MCRIP2: variants seen among roughly 807,000 people sequenced by gnomAD.
MCRIP2 encodes MAPK regulated corepressor interacting protein 2, also known as MAPK regulated co-repressor interacting protein 2.
MCRIP2 carries 21 observed loss-of-function variants against 23.2 expected under a neutral mutation model. That is an observed-to-expected ratio of 0.90 (90% CI 0.64 to 1.30). The LOEUF is 1.30. Ranked by LOEUF, MCRIP2 falls within the 50% of genes most tolerant of loss-of-function variation. MCRIP2 has a pLI of 0.00. For missense variants in MCRIP2, 234 were observed against 223.2 expected (o/e 1.05, Z -0.31); for synonymous variants, 121 against 100.2 (o/e 1.21, Z -1.24).
At chr16:642,075 CG>C in intron 1 of MCRIP2, 32 bp downstream of exon 1, 2 of 1,316,048 alleles carry the variant, frequency 1.5e-6, no homozygotes, top group Non-Finnish European at 1.9e-6. Flanking sequence ...GGAACGGGGA[CG>C]GGGCGGGGCG....
chr16:648,050 G>T, intron 4 of MCRIP2, 70 bp from the exon 5 acceptor site: 1 of 1,471,490 alleles, frequency 6.8e-7, no homozygotes. Context: ...GCGGCTTGTG[G>T]TTAGCTCCAG....
intron 2 of MCRIP2, among the ~76,000 whole-genome samples, chr16:644,576 G>T (rs936761640): frequency 5.9e-5 from 9 of 152,098 alleles, no homozygotes; most frequent in Non-Finnish European, 1.2e-4. Flanking sequence ...TTCCTGAGTA[G>T]CTGGGATGAC....
At position 642,384 on chromosome 16, in the gene MCRIP2, C is replaced by A. The variant is rs1436781251; in HGVS notation, c.182+135C>A. 7 of 888,374 alleles carry A rather than the reference C, an allele frequency of 7.9e-6. No homozygotes were observed. In the African/African-American group the frequency reaches 1.1e-4, roughly 14 times the overall value. 55.0% of individuals were successfully genotyped at this position (888,374 alleles called of 1,614,324 possible). A position where few individuals can be genotyped will look rare whatever the true frequency, so the allele number is the denominator to read the frequency against. ...CTGCAGGCGGGGCGGGCGCTCCGGG[C>A]GCGGGGGGTGCGCGGGTCCTGCCCA... On this transcript the variant is annotated intron_variant, in intron 2 of 4. Transcript: ENST00000307650.
rs577887829 is a variant in MCRIP2, at chr16:646,172, T to A, written c.183-1245T>A. On this transcript the variant is annotated intron_variant, in intron 2 of 4. Coordinates refer to ENST00000307650, the MANE Select transcript of MCRIP2 (RefSeq NM_138418.4). The surrounding 1 kb of genome is among the most constrained non-coding windows in gnomAD (Gnocchi z 6.5). Reference sequence around the variant, plus strand: ...GAGAGCCGCCACCTCCGCCCTTCGATTCACAGCCCCTGGCAATGTTCTTGT... The same window carrying A: ...GAGAGCCGCCACCTCCGCCCTTCGAATCACAGCCCCTGGCAATGTTCTTGT... 6.6e-6 allele frequency: 1 copy of A among 152,322 alleles called. No individual in the cohort carries two copies. The highest frequency in any genetic ancestry group is 1.5e-5 in the Non-Finnish European group (1 of 68,032). 9.4% of individuals were successfully genotyped at this position (152,322 alleles called of 1,614,324 possible).
chr16:648,337 C>T lies in MCRIP2; in HGVS notation c.*147C>T, dbSNP rs963435463. 6.8e-5 allele frequency: 57 copies of T among 832,558 alleles called. No homozygotes were observed. The highest frequency in any genetic ancestry group is 9.4e-5 in the Non-Finnish European group (49 of 522,378). The allele number at this position is 832,558 out of a possible 1,614,324, so 51.6% of individuals were successfully genotyped here. ...TTTTGCACCTTTTTTTCCCTTGGCC[C>T]GGCTGTCCCAACCAAGCTGCCATGG... On this transcript the variant is annotated 3_prime_UTR_variant, in exon 5 of 5. Coordinates refer to ENST00000307650, the MANE Select transcript of MCRIP2 (RefSeq NM_138418.4).
At chr16:642,560 C>T (rs986235450) in intron 2 of MCRIP2, 1 of 171,352 alleles carries the variant, frequency 5.8e-6, no homozygotes, top group Non-Finnish European at 1.2e-5. Flanking sequence ...CTGCTGGAAC[C>T]CTGACGTGCA....
Position 642,255 on chromosome 16 carries a change from A to T in MCRIP2, c.182+6A>T. 8.5e-7 allele frequency: 1 copy of T among 1,181,302 alleles called. No homozygotes were observed. The highest frequency in any genetic ancestry group is 1.0e-6 in the Non-Finnish European group (1 of 956,632). The allele number at this position is 1,181,302 out of a possible 1,614,324, so 73.2% of individuals were successfully genotyped here. On this transcript the variant is annotated splice_donor_region_variant and intron_variant, in intron 2 of 4. Transcript: ENST00000307650. ...GGACCCTGGCCCCTGTCGAGGTGAG[A>T]CGCGCGCGGCCCCGGCCCGGCCCGG...
intron 2 of MCRIP2, chr16:645,183 T>C (rs2037448555): frequency 6.6e-6 from 1 of 151,874 alleles, no homozygotes. Context: ...ATGGTCTCGA[T>C]CTCCTGACCT....
chr16:647,353 T>A, intron 2 of MCRIP2, 64 bp from the exon 3 acceptor site: 1 of 1,584,126 alleles, frequency 6.3e-7, no homozygotes, highest in Non-Finnish European at 8.6e-7. Flanking sequence ...TGCTCCTGAG[T>A]TCTGCCAGGC....
chr16:644,438 A>C (rs1435256995), intron 2 of MCRIP2, among the ~76,000 whole-genome samples: 1 of 151,112 alleles, frequency 6.6e-6, no homozygotes, highest in Non-Finnish European at 1.5e-5. Context: ...GCTGTTTTTT[A>C]CTTCATTTAA....
rs187785772 is a variant in MCRIP2 at position 644,185 on chromosome 16, G to C, written c.182+1936G>C. On this transcript the variant is annotated intron_variant, in intron 2 of 4. Transcript: ENST00000307650. ...CAACCTCTGCCTCCTGGGTTCAAGCGATCCTCCTGCCTCAGCCTCCCGAAT... is the reference window on the plus strand; with the variant it reads ...CAACCTCTGCCTCCTGGGTTCAAGCCATCCTCCTGCCTCAGCCTCCCGAAT... Among the ~76,000 whole-genome samples the C allele has an allele frequency of 7.4e-3, 1,130 of 152,278 alleles. 22 individuals are homozygous for C. Among genetic ancestry groups the C allele is most frequent in the African/African-American group, 0.026 (1,086 of 41,560 alleles).
rs1405831357 is a variant in MCRIP2, at chr16:648,202, AG to A, written c.*17del. ...CCAGCTGTTCCTAGTGGCTGCTGGGAGGGGGCGCTGCTACACGGCCGACCTG... is the reference window on the plus strand; with the variant it reads ...CCAGCTGTTCCTAGTGGCTGCTGGGAGGGGCGCTGCTACACGGCCGACCTG... On this transcript the variant is annotated 3_prime_UTR_variant, in exon 5 of 5. Coordinates refer to ENST00000307650, the MANE Select transcript of MCRIP2 (RefSeq NM_138418.4). 11 of 1,604,212 alleles carry A rather than the reference AG, an allele frequency of 6.9e-6. No individual in the cohort carries two copies. Among genetic ancestry groups the A allele is most frequent in the Non-Finnish European group, 9.4e-6 (11 of 1,175,918 alleles).
Position 648,378 on chromosome 16 carries a change from G to A in MCRIP2, c.*188G>A, listed in dbSNP as rs961878045. On this transcript the variant is annotated 3_prime_UTR_variant, in exon 5 of 5. Coordinates refer to ENST00000307650, the MANE Select transcript of MCRIP2 (RefSeq NM_138418.4). The stretch of plus-strand genomic sequence containing the variant: ...GCTGCCATGGCCAAGGGCCGAACCC[G>A]TCTGACCTCAGCCCTGCTCACTGTG... The A allele has an allele frequency of 4.6e-6, 3 of 647,942 alleles. No homozygotes were observed. The South Asian group carries it at 5.4e-5, about 12-fold the overall frequency. 40.1% of individuals were successfully genotyped at this position (647,942 alleles called of 1,614,324 possible).
At chr16:648,001 C>A in intron 4 of MCRIP2, 117 bp downstream of exon 4, 1 of 1,219,888 alleles carries the variant, frequency 8.2e-7, no homozygotes. Flanking sequence ...TGCAGAAACC[C>A]CTTCTTCCCA....
intron 4 of MCRIP2, 56 bp from the exon 5 acceptor site, chr16:648,064 A>C: frequency 6.6e-7 from 1 of 1,517,320 alleles, no homozygotes; most frequent in Non-Finnish European, 9.0e-7. Context: ...GCTCCAGGGG[A>C]GACTTGCCGG....
At position 644,389 on chromosome 16, in the gene MCRIP2, TCC is replaced by T. The variant is rs370128968; in HGVS notation, c.182+2142_182+2143del. 3.1e-3 allele frequency among the ~76,000 whole-genome samples: 476 copies of T among 152,176 alleles called. 3 individuals carry two copies. Among genetic ancestry groups the T allele is most frequent in the African/African-American group, 9.8e-3 (408 of 41,548 alleles). ...AACCACCGTGCTTGGCCAACCACCT[TCC>T]CTCTGAACCACCCCACCCCATGCTG... On this transcript the variant is annotated intron_variant, in intron 2 of 4. Coordinates refer to ENST00000307650, the MANE Select transcript of MCRIP2 (RefSeq NM_138418.4).
chr16:647,748 G>T, intron 3 of MCRIP2, 35 bp from the exon 4 acceptor site: 1 of 1,540,846 alleles, frequency 6.5e-7, no homozygotes, highest in Non-Finnish European at 8.8e-7. Flanking sequence ...GGGGTGCCTG[G>T]GACCTGGCTC....
In MCRIP2 at chr16:647,561, G is replaced by C; in HGVS notation, c.310+17G>C. 1 of 1,612,494 alleles carries C rather than the reference G, an allele frequency of 6.2e-7. No homozygotes were observed. Among genetic ancestry groups the C allele is most frequent in the South Asian group, 1.1e-5 (1 of 91,052 alleles). ...TGTCCGAAGGTAGCGAGCGGGGCCA[G>C]AGGGTGCGGCATAGGCTGCTGGGTC... is the stretch of plus-strand genomic sequence containing the variant. On this transcript the variant is annotated intron_variant, in intron 3 of 4. Transcript: ENST00000307650.
rs560116717 is a variant in MCRIP2 at position 642,413 on chromosome 16, C to A, written c.182+164C>A. The A allele has an allele frequency of 5.6e-3, 3,205 of 570,134 alleles. 7 individuals carry two copies. The highest frequency in any genetic ancestry group is 6.9e-3 in the Non-Finnish European group (2,901 of 422,742). 35.3% of individuals were successfully genotyped at this position (570,134 alleles called of 1,614,324 possible). On this transcript the variant is annotated intron_variant, in intron 2 of 4. Coordinates refer to ENST00000307650, the MANE Select transcript of MCRIP2 (RefSeq NM_138418.4). ...GGGGGTGCGCGGGTCCTGCCCACTA[C>A]GCGCCCGCGGGCCTGCGCCTCGCAC...
Sources: gnomAD v4.1 joint callset for allele counts (sites outside exome capture counted in the v4.1 genomes callset) on GRCh38, gnomAD v4.1.1 for gene constraint, Gnocchi (gnomAD v3.1) non-coding constraint, MANE v1.5 for transcripts, NCBI Gene and HGNC (gene_info 2026-07-23, HGNC 2026-07-21) for gene names.